Variants in DPYD observed in about 807,000 individuals in gnomAD.
DPYD encodes the protein dihydropyrimidine dehydrogenase.
Under a neutral mutation model 116.2 loss-of-function variants are expected in DPYD, and 109 were observed. That is an observed-to-expected ratio of 0.94 (90% CI 0.80 to 1.10). The LOEUF (loss-of-function observed/expected upper bound fraction) is 1.10, where lower values mean the gene tolerates loss of function less well. DPYD is among the 50% of genes least tolerant of loss of function. The pLI is 0.00. For missense variants in DPYD, 1,302 were observed against 1,254.5 expected (o/e 1.04, Z -0.57); for synonymous variants, 440 against 432.0 (o/e 1.02, Z -0.23).
chr1:97,711,799 A>G (rs1247186657), intron 5 of DPYD, among the ~76,000 whole-genome samples: 3 of 152,006 alleles, frequency 2.0e-5, no homozygotes, highest in African/African-American at 7.2e-5. Context: ...TCAATATTAT[A>G]AAACTTTTTT....
At chr1:97,719,629 T>C (rs1431200720) in intron 5 of DPYD, 1 of 896,676 alleles carries the variant, frequency 1.1e-6, no homozygotes, top group Non-Finnish European at 1.3e-6. Flanking sequence ...TTGTTGTTTT[T>C]TTAACTTCCT....
intron 20 of DPYD, among the ~76,000 whole-genome samples, chr1:97,166,016 G>A (rs1052015766): frequency 6.6e-6 from 1 of 152,098 alleles, no homozygotes; most frequent in Non-Finnish European, 1.5e-5. Context: ...AAGCAATGTG[G>A]AAATTCTTCA....
chr1:97,135,381 C>A (rs1653706581), intron 20 of DPYD, among the ~76,000 whole-genome samples: 1 of 152,148 alleles, frequency 6.6e-6, no homozygotes, highest in South Asian at 2.1e-4. Context: ...TTTTATCAGA[C>A]CATGAGAGCT....
At chr1:97,655,469 G>A (rs1221306858) in intron 8 of DPYD, among the ~76,000 whole-genome samples, 2 of 152,144 alleles carry the variant, frequency 1.3e-5, no homozygotes, top group African/African-American at 2.4e-5. Flanking sequence ...TTCCACTGCT[G>A]CCTGCTGAAA....
intron 12 of DPYD, among the ~76,000 whole-genome samples, chr1:97,517,072 T>C (rs925330444): frequency 6.6e-6 from 1 of 152,046 alleles, no homozygotes; most frequent in African/African-American, 2.4e-5. Flanking sequence ...TTTCTGGCCC[T>C]CCACCACTTA....
intron 10 of DPYD, among the ~76,000 whole-genome samples, chr1:97,586,453 A>AATAC (rs774026722): frequency 0.046 from 3,757 of 81,886 alleles, 428 homozygotes; most frequent in East Asian, 0.12. Context: ...TATCTGTGAA[A>AATAC]ATACATACAT....
intron 11 of DPYD, among the ~76,000 whole-genome samples, chr1:97,558,406 CTTAG>C (rs1361564492): frequency 6.6e-6 from 1 of 151,988 alleles, no homozygotes; most frequent in East Asian, 1.9e-4. Context: ...ATTATTCTGT[CTTAG>C]TTATTTTTCT....
intron 2 of DPYD, among the ~76,000 whole-genome samples, chr1:97,847,015 C>T (rs1271430191): frequency 1.3e-5 from 2 of 152,268 alleles, no homozygotes; most frequent in African/African-American, 2.4e-5. Flanking sequence ...AGCTATTCAC[C>T]TTCAAATCCC....
intron 18 of DPYD, 85 bp downstream of exon 18, chr1:97,305,174 A>G: frequency 6.2e-7 from 1 of 1,600,846 alleles, no homozygotes; most frequent in Non-Finnish European, 8.5e-7. Context: ...TGGGATCATA[A>G]AGGGCACAAA....
At chr1:97,257,815 C>G (rs1042720138) in intron 18 of DPYD, among the ~76,000 whole-genome samples, 5 of 151,784 alleles carry the variant, frequency 3.3e-5, no homozygotes, top group African/African-American at 1.2e-4. Context: ...AGACATTATC[C>G]CTGTCTTTAA....
At chr1:97,360,129 A>T in intron 16 of DPYD, among the ~76,000 whole-genome samples, 1 of 151,354 alleles carries the variant, frequency 6.6e-6, no homozygotes, top group Middle Eastern at 3.4e-3. Flanking sequence ...GCAAATGGAA[A>T]GCAAAAAAAA....
chr1:97,720,827 G>T, intron 5 of DPYD: 1 of 1,593,126 alleles, frequency 6.3e-7, no homozygotes, highest in Non-Finnish European at 8.5e-7. Flanking sequence ...GAATTAACCT[G>T]CTTGTTGACT....
At chr1:97,521,383 A>T (rs1207413748) in intron 12 of DPYD, among the ~76,000 whole-genome samples, 1 of 152,208 alleles carries the variant, frequency 6.6e-6, no homozygotes, top group African/African-American at 2.4e-5. Flanking sequence ...TTCAAGGAGA[A>T]CTACAAACCA....
intron 7 of DPYD, among the ~76,000 whole-genome samples, chr1:97,682,312 G>A (rs1660465833): frequency 6.6e-6 from 1 of 151,848 alleles, no homozygotes; most frequent in Non-Finnish European, 1.5e-5. Context: ...AACAGACATT[G>A]TGGGAAAGAT....
At chr1:97,904,613 T>C (rs1236991633) in intron 1 of DPYD, among the ~76,000 whole-genome samples, 1 of 152,028 alleles carries the variant, frequency 6.6e-6, no homozygotes, top group Non-Finnish European at 1.5e-5. Flanking sequence ...CTAACTTTTG[T>C]CTGCCATGCA....
At chr1:97,467,269 G>A in intron 13 of DPYD, among the ~76,000 whole-genome samples, 1 of 152,164 alleles carries the variant, frequency 6.6e-6, no homozygotes, top group East Asian at 1.9e-4. Flanking sequence ...TTCTTTCTGA[G>A]GTACCTAGAG....
chr1:97,108,279 C>T (rs542015950), intron 20 of DPYD, among the ~76,000 whole-genome samples: 24 of 152,184 alleles, frequency 1.6e-4, no homozygotes, highest in African/African-American at 5.8e-4. Context: ...CTATGGCAGC[C>T]TGATGACTCC....
intron 16 of DPYD, among the ~76,000 whole-genome samples, chr1:97,325,136 A>G (rs1174291243): frequency 6.6e-6 from 1 of 152,068 alleles, no homozygotes; most frequent in South Asian, 2.1e-4. Flanking sequence ...GCAATATTCA[A>G]CAAATGCAGA....
chr1:97,232,680 CTCT>C (rs1220143503), intron 19 of DPYD, among the ~76,000 whole-genome samples: 3 of 151,802 alleles, frequency 2.0e-5, no homozygotes, highest in African/African-American at 7.3e-5. Flanking sequence ...TTCTTCTGTT[CTCT>C]TATTTTACTA....
Sources: gnomAD v4.1 joint callset for allele counts (sites outside exome capture counted in the v4.1 genomes callset) on GRCh38, gnomAD v4.1.1 for gene constraint, MANE v1.5 for transcripts, NCBI Gene and HGNC (gene_info 2026-07-23, HGNC 2026-07-21) for gene names.